GSDMA: variants seen among roughly 807,000 people sequenced by gnomAD.
GSDMA encodes gasdermin-A.
GSDMA carries 55 observed loss-of-function variants against 54.3 expected under a neutral mutation model. That is an observed-to-expected ratio of 1.01 (90% confidence interval 0.82 to 1.27). The LOEUF is 1.27. Among genes scored for constraint, GSDMA ranks in the 50% most tolerant of loss-of-function variants. The probability of loss-of-function intolerance (pLI) is 0.00; values close to 1 mark genes in which losing one functional copy is unlikely to be tolerated. For missense variants in GSDMA, 542 were observed against 542.6 expected, an observed-to-expected ratio of 1.00 and a Z score of 0.01; for synonymous variants, 211 against 224.7, an observed-to-expected ratio of 0.94 and a Z score of 0.54.
At position 39,977,074 on chromosome 17, in the gene GSDMA, T is replaced by G. The variant is rs199763416; in HGVS notation, c.*16T>G. The G allele has an allele frequency of 6.2e-6, 10 of 1,613,512 alleles. No individual in the cohort carries two copies. The East Asian group carries it at 2.2e-4, about 36-fold the overall frequency. Reference sequence around the variant, plus strand: ...GGCCTCCTAATTTGCCTTTTACGTCTGCTTCATGACTCCCTAATGCCTTCC... The same window carrying G: ...GGCCTCCTAATTTGCCTTTTACGTCGGCTTCATGACTCCCTAATGCCTTCC... On this transcript the variant is annotated 3_prime_UTR_variant, in exon 12 of 12. Transcript: ENST00000301659.
rs1314528286 is a variant in GSDMA at position 39,977,286 on chromosome 17, T to A, written c.*228T>A. On this transcript the variant is annotated 3_prime_UTR_variant, in exon 12 of 12. Transcript: ENST00000301659. ...CTGATGCTTAAATTTTCTTTACTTT[T>A]CTTTTCTTTTTTTTTTTTTTTTTGA... 6 of 306,360 alleles carry A rather than the reference T, an allele frequency of 2.0e-5. No homozygotes were observed. Among genetic ancestry groups the A allele is most frequent in the Middle Eastern group, 9.1e-4 (1 of 1,104 alleles). The allele number at this position is 306,360 out of a possible 1,614,324, so 19.0% of individuals were successfully genotyped here. A position where few individuals can be genotyped will look rare whatever the true frequency, so the allele number is the denominator to read the frequency against.
chr17:39,966,323 T>C lies in GSDMA; in HGVS notation c.278T>C (p.Val93Ala). ...CTGGACACCCGAGTGGAGGGAGATG[T>C]GGATGTACCAAAGACGGTGAAGGTG... ...NMLDTRVEGD[V>A]DVPKTVKVKG... The change falls in exon 3 of 12, where the codon GTG (valine) becomes GCG (alanine). Residue 93 changes from valine (V) to alanine (A), a missense_variant. By Grantham distance (64) the Val-to-Ala change is moderately conservative (BLOSUM62 0). Transcript: ENST00000301659. 1 of 1,613,892 alleles carries C rather than the reference T, an allele frequency of 6.2e-7. No homozygotes were observed. The highest frequency in any genetic ancestry group is 2.2e-5 in the East Asian group (1 of 44,874).
chr17:39,974,849 G>C, intron 9 of GSDMA, 51 bp from the exon 10 acceptor site: 1 of 1,004,242 alleles, frequency 1.0e-6, no homozygotes. Flanking sequence ...TGGGCCCTGG[G>C]TTGGGCCCTT....
intron 3 of GSDMA, among the ~76,000 whole-genome samples, chr17:39,969,879 G>T (rs1039352601): frequency 8.0e-6 from 1 of 124,698 alleles, no homozygotes; most frequent in African/African-American, 3.2e-5. Context: ...GAATTTTTTT[G>T]ATATATTTGC....
At chr17:39,973,433 C>T (rs1380693334) in intron 7 of GSDMA, among the ~76,000 whole-genome samples, 2 of 144,860 alleles carry the variant, frequency 1.4e-5, no homozygotes, top group African/African-American at 5.2e-5. Flanking sequence ...CCACACTCGG[C>T]GAATTTTTAG....
chr17:39,967,144 C>A (rs899369623), intron 3 of GSDMA, among the ~76,000 whole-genome samples: 1 of 152,150 alleles, frequency 6.6e-6, no homozygotes, highest in African/African-American at 2.4e-5. Flanking sequence ...GGCTGGGGTG[C>A]GCCTAGAACA....
chr17:39,964,943 T>C (rs1022142461), intron 1 of GSDMA, among the ~76,000 whole-genome samples: 1 of 151,892 alleles, frequency 6.6e-6, no homozygotes, highest in African/African-American at 2.4e-5. Flanking sequence ...CTGGGAAACA[T>C]AGTGAGACTC....
intron 3 of GSDMA, among the ~76,000 whole-genome samples, chr17:39,967,249 T>C (rs1208790402): frequency 1.3e-5 from 2 of 152,138 alleles, no homozygotes; most frequent in Non-Finnish European, 2.9e-5. Context: ...CTAAGTGCTG[T>C]AGGGATGGTT....
chr17:39,966,217 G>A (rs1376525105), intron 2 of GSDMA, 43 bp from the exon 3 acceptor site: 2 of 1,604,622 alleles, frequency 1.2e-6, no homozygotes, highest in Admixed American at 3.4e-5. Context: ...ATGAGTTACT[G>A]CACCCAGCCA....
intron 1 of GSDMA, among the ~76,000 whole-genome samples, chr17:39,964,162 G>A (rs1381252759): frequency 1.3e-5 from 2 of 152,196 alleles, no homozygotes; most frequent in Admixed American, 1.3e-4. Context: ...GGAGGACTGA[G>A]GGAAGAGGTT....
chr17:39,974,233 G>A (rs756391532), intron 8 of GSDMA, 40 bp from the exon 9 acceptor site: 3 of 1,567,416 alleles, frequency 1.9e-6, no homozygotes, highest in Non-Finnish European at 2.6e-6. Context: ...AGAGGAAGGT[G>A]CCCGATGGAG....
chr17:39,971,484 G>A (rs1394939873), intron 4 of GSDMA, 40 bp from the exon 5 acceptor site: 2 of 1,507,996 alleles, frequency 1.3e-6, no homozygotes, highest in East Asian at 2.3e-5. Context: ...TCATACTTAA[G>A]ATGTCCAGAG....
chr17:39,964,196 A>G (rs1188910585), intron 1 of GSDMA, among the ~76,000 whole-genome samples: 1 of 152,170 alleles, frequency 6.6e-6, no homozygotes, highest in East Asian at 1.9e-4. Context: ...TGAATTGAGC[A>G]TTAGCGGAGG....
Position 39,973,842 on chromosome 17 carries a change from TGTGA to T in GSDMA, c.751+15_751+18del. The T allele has an allele frequency of 6.2e-7, 1 of 1,612,236 alleles. No individual in the cohort carries two copies. The highest frequency in any genetic ancestry group is 8.5e-7 in the Non-Finnish European group (1 of 1,178,400). ...GGCATCTGATGTTGGTAAGGAACTTTGTGAGTTTCTCCCAAGACTTTGGCATGGA... is the reference window on the plus strand; with the variant it reads ...GGCATCTGATGTTGGTAAGGAACTTTGTTTCTCCCAAGACTTTGGCATGGA... On this transcript the variant is annotated intron_variant, in intron 8 of 11. Coordinates refer to ENST00000301659, the MANE Select transcript of GSDMA (RefSeq NM_178171.5).
rs7212938 is a variant in GSDMA at position 39,966,427 on chromosome 17, G to C, written c.382G>C (p.Val128Leu). 1.2e-6 allele frequency: 2 copies of C among 1,603,240 alleles called. No individual in the cohort carries two copies. Among genetic ancestry groups the C allele is most frequent in the South Asian group, 2.2e-5 (2 of 89,952 alleles). Residue 128 changes from valine (V) to leucine (L), a missense_variant, in exon 3 of 12, where the codon GTG becomes CTG. Physicochemically the swap from Val to Leu is conservative, Grantham distance 32. Transcript: ENST00000301659. Reference sequence around the variant, plus strand: ...TGTGGCTCCCAAGGCCCTGGAGACCGTGCAGGAGAGGTGAGAGTGGGCGGG... The same window carrying C: ...TGTGGCTCCCAAGGCCCTGGAGACCCTGCAGGAGAGGTGAGAGTGGGCGGG... Reference protein sequence around the residue: ...LSVAPKALETVQERKLAADHP... With the variant: ...LSVAPKALETLQERKLAADHP...
intron 3 of GSDMA, among the ~76,000 whole-genome samples, chr17:39,967,067 G>C (rs1284547186): frequency 6.6e-6 from 1 of 152,188 alleles, no homozygotes; most frequent in Non-Finnish European, 1.5e-5. Context: ...TAAGGACTGT[G>C]AAGGCCAGAA....
At position 39,974,898 on chromosome 17, in the gene GSDMA, A is replaced by T. The variant is rs564701742; in HGVS notation, c.907-2A>T. The stretch of plus-strand genomic sequence containing the variant: ...TCAATAGTCGCCCACCTTCCCCCAC[A>T]GCTTGAAGGGGCTCTAGACAAGGGA... On this transcript the variant is annotated splice_acceptor_variant, in intron 9 of 11. Coordinates refer to ENST00000301659, the MANE Select transcript of GSDMA (RefSeq NM_178171.5). LOFTEE classifies it high-confidence loss of function. 219 of 1,581,012 alleles carry T rather than the reference A, an allele frequency of 1.4e-4. No individual in the cohort carries two copies. In the South Asian group the frequency reaches 2.3e-3, roughly 17 times the overall value.
rs57666311 is a variant in GSDMA, at chr17:39,972,666, C to G, written c.730+53C>G. The G allele has an allele frequency of 1.4e-3, 2,062 of 1,499,518 alleles. 31 individuals carry two copies. In the African/African-American group the frequency reaches 0.025, roughly 18 times the overall value. 92.9% of individuals were successfully genotyped at this position (1,499,518 alleles called of 1,614,324 possible). A position where few individuals can be genotyped will look rare whatever the true frequency, so the allele number is the denominator to read the frequency against. On this transcript the variant is annotated intron_variant, in intron 7 of 11. Transcript: ENST00000301659. ...ACTTTCTTGACTCCAAATTTTAAAA[C>G]TCCAGTCTTTTTCTTTCCTTCTGAC...
chr17:39,969,343 T>C (rs1979822967), intron 3 of GSDMA, among the ~76,000 whole-genome samples: 1 of 115,704 alleles, frequency 8.6e-6, no homozygotes, highest in African/African-American at 2.9e-5. Context: ...GAGTGGGACC[T>C]TAAAAAAAAA....
Sources: gnomAD v4.1 joint callset for allele counts (sites outside exome capture counted in the v4.1 genomes callset) on GRCh38, gnomAD v4.1.1 for gene constraint, MANE v1.5 for transcripts, NCBI Gene and HGNC (gene_info 2026-07-23, HGNC 2026-07-21) for gene names.